The following RNF220 variants were observed in gnomAD, a reference collection of about 807,000 sequenced individuals.
The protein encoded by RNF220 is E3 ubiquitin-protein ligase RNF220.
RNF220 carries 7 observed loss-of-function variants against 67.1 expected under a neutral mutation model. The observed-to-expected ratio is 0.10, with a 90% CI of 0.06 to 0.20. The LOEUF (loss-of-function observed/expected upper bound fraction) is 0.20, where lower values mean the gene tolerates loss of function less well. RNF220 is among the 10% of genes least tolerant of loss of function. The pLI, the probability that RNF220 is intolerant of heterozygous loss-of-function variation, is 1.00. For missense variants in RNF220, 565 were observed against 740.3 expected (o/e 0.76, Z 2.75); for synonymous variants, 270 against 283.2 (o/e 0.95, Z 0.47).
At chr1:44,530,969 A>C (rs1241923217) in intron 2 of RNF220, among the ~76,000 whole-genome samples, 1 of 152,226 alleles carries the variant, frequency 6.6e-6, no homozygotes, top group Admixed American at 6.5e-5. Flanking sequence ...TCTTAAATAA[A>C]TAATAAAATA....
rs1444896525 is a variant in RNF220, at chr1:44,417,996, C to G, written c.625+5274C>G. ...GCCGCACACACGAGGGCCCGTCGCG[C>G]CCCCCGCCCTGCCCCGCCTCGCCCT... On this transcript the variant is annotated intron_variant, in intron 2 of 14. Coordinates refer to ENST00000361799, the MANE Select transcript of RNF220 (RefSeq NM_018150.4). This position sits in a 1 kb window ranked among gnomAD's most constrained non-coding sequence, Gnocchi z 4.0. Among the ~76,000 whole-genome samples the G allele has an allele frequency of 6.6e-6, 1 of 151,990 alleles. No individual in the cohort carries two copies. The highest frequency in any genetic ancestry group is 1.5e-5 in the Non-Finnish European group (1 of 67,960).
At chr1:44,535,630 T>A (rs1661160639) in intron 2 of RNF220, among the ~76,000 whole-genome samples, 1 of 152,190 alleles carries the variant, frequency 6.6e-6, no homozygotes, top group Non-Finnish European at 1.5e-5. Context: ...GTCTTTGAAG[T>A]TAATGTGTAT....
Position 44,645,582 on chromosome 1 carries a change from C to T in RNF220, c.1445+94C>T. ...GAAGGCCTGCTGCCAGGGCTTCTGG[C>T]CCTCCCAAGTGCAGCTCAGTGCTGC... On this transcript the variant is annotated intron_variant, in intron 12 of 14. Transcript: ENST00000361799. The surrounding 1 kb of genome is among the most constrained non-coding windows in gnomAD (Gnocchi z 5.0). The T allele has an allele frequency of 5.4e-6, 7 of 1,298,406 alleles. No individual in the cohort carries two copies. The highest frequency in any genetic ancestry group is 7.6e-6 in the Non-Finnish European group (7 of 915,976). The allele number at this position is 1,298,406 out of a possible 1,614,324, so 80.4% of individuals were successfully genotyped here. A position where few individuals can be genotyped will look rare whatever the true frequency, so the allele number is the denominator to read the frequency against.
intron 2 of RNF220, among the ~76,000 whole-genome samples, chr1:44,421,822 G>C (rs1649255518): frequency 6.6e-6 from 1 of 152,156 alleles, no homozygotes; most frequent in Non-Finnish European, 1.5e-5. Context: ...AGGAGGATGG[G>C]AGTGGGGAAG....
chr1:44,513,681 T>G (rs961657904), intron 2 of RNF220, among the ~76,000 whole-genome samples: 8 of 152,138 alleles, frequency 5.3e-5, no homozygotes, highest in African/African-American at 1.9e-4. Flanking sequence ...AAGTAAAAAT[T>G]TACACAAAAT....
intron 3 of RNF220, among the ~76,000 whole-genome samples, chr1:44,615,472 C>T (rs763133330): frequency 1.2e-4 from 19 of 152,170 alleles, no homozygotes; most frequent in Admixed American, 5.2e-4. Context: ...CGGTCTGCCC[C>T]GCTCCTCCCA....
rs190832819 is a variant in RNF220 at position 44,598,322 on chromosome 1, T to C, written c.626-15843T>C. ...TATTGCTATTAATCACCCCTCCTGGTCCGCTAACGAGGCTAATGCGGTAAG... is the reference window on the plus strand; with the variant it reads ...TATTGCTATTAATCACCCCTCCTGGCCCGCTAACGAGGCTAATGCGGTAAG... On this transcript the variant is annotated intron_variant, in intron 2 of 14. Transcript: ENST00000361799. Among the ~76,000 whole-genome samples the C allele has an allele frequency of 1.9e-3, 288 of 152,290 alleles. 1 individual carries two copies. Among genetic ancestry groups the C allele is most frequent in the African/African-American group, 6.7e-3 (280 of 41,540 alleles).
chr1:44,511,647 C>T (rs1659002703), intron 2 of RNF220, among the ~76,000 whole-genome samples: 1 of 152,170 alleles, frequency 6.6e-6, no homozygotes, highest in South Asian at 2.1e-4. Flanking sequence ...GCCAGGATGA[C>T]ATCCATCATG....
At chr1:44,536,369 G>A (rs1661222980) in intron 2 of RNF220, among the ~76,000 whole-genome samples, 1 of 152,198 alleles carries the variant, frequency 6.6e-6, no homozygotes, top group African/African-American at 2.4e-5. Flanking sequence ...ACATTGCTTT[G>A]AACTGGGCTA....
At chr1:44,603,173 G>A (rs1020621245) in intron 2 of RNF220, among the ~76,000 whole-genome samples, 1 of 152,174 alleles carries the variant, frequency 6.6e-6, no homozygotes, top group South Asian at 2.1e-4. Flanking sequence ...AAATCAAATC[G>A]AATTTCCTTA....
chr1:44,457,380 A>G (rs1442758287), intron 2 of RNF220, among the ~76,000 whole-genome samples: 1 of 152,202 alleles, frequency 6.6e-6, no homozygotes, highest in Admixed American at 6.5e-5. Flanking sequence ...TGAATGAAAA[A>G]AATTATGAGT....
chr1:44,574,193 T>C (rs1166315540), intron 2 of RNF220, among the ~76,000 whole-genome samples: 1 of 152,118 alleles, frequency 6.6e-6, no homozygotes, highest in Non-Finnish European at 1.5e-5. Context: ...AAATAAAAAA[T>C]AGTGTAATAC....
chr1:44,489,912 T>C (rs1332471651), intron 2 of RNF220, among the ~76,000 whole-genome samples: 2 of 152,226 alleles, frequency 1.3e-5, no homozygotes, highest in African/African-American at 2.4e-5. Flanking sequence ...TGGGAAATGG[T>C]CTATCATCTC....
At chr1:44,625,026 TGAGA>T (rs71665956) in intron 4 of RNF220, among the ~76,000 whole-genome samples, 3,860 of 147,406 alleles carry the variant, frequency 0.026, 148 homozygotes, top group African/African-American at 0.084. Context: ...CTAGAGAGAA[TGAGA>T]GAGAGAGAGA....
At chr1:44,642,673 G>A (rs780836576) in intron 8 of RNF220, among the ~76,000 whole-genome samples, 1 of 152,212 alleles carries the variant, frequency 6.6e-6, no homozygotes, top group Non-Finnish European at 1.5e-5. Flanking sequence ...TGCTTTCTGC[G>A]TTGAGAAGCT....
chr1:44,617,886 C>A (rs1013199471), intron 3 of RNF220, among the ~76,000 whole-genome samples: 5 of 152,030 alleles, frequency 3.3e-5, no homozygotes, highest in Admixed American at 2.6e-4. Flanking sequence ...CCTCTCCTCT[C>A]TGCCCCAGCC....
At chr1:44,500,834 A>C (rs1209084126) in intron 2 of RNF220, among the ~76,000 whole-genome samples, 1 of 152,086 alleles carries the variant, frequency 6.6e-6, no homozygotes, top group South Asian at 2.1e-4. Context: ...GTGTCCAGGA[A>C]AATAAGGGAG....
intron 2 of RNF220, among the ~76,000 whole-genome samples, chr1:44,461,083 G>A (rs536885371): frequency 6.6e-6 from 1 of 152,148 alleles, no homozygotes; most frequent in South Asian, 2.1e-4. Flanking sequence ...GCTCCCGGGG[G>A]CAGGGACGGT....
intron 8 of RNF220, 100 bp from the exon 9 acceptor site, chr1:44,644,598 C>T (rs1453098924): frequency 2.3e-6 from 2 of 852,386 alleles, no homozygotes; most frequent in Non-Finnish European, 3.9e-6. Flanking sequence ...CCCTCTGGGC[C>T]TTATCAGGTC....
Sources: allele counts gnomAD v4.1 joint callset (sites outside exome capture counted in the v4.1 genomes callset), GRCh38; gene constraint gnomAD v4.1.1; non-coding constraint Gnocchi (gnomAD v3.1); transcripts MANE v1.5; gene names NCBI Gene and HGNC (gene_info 2026-07-23, HGNC 2026-07-21).